The following ANKRD6 variants were observed in gnomAD, a reference collection of about 807,000 sequenced individuals.
ANKRD6 encodes the protein ankyrin repeat domain-containing protein 6.
ANKRD6 carries 56 observed loss-of-function variants against 82.3 expected under a neutral mutation model. That is an observed-to-expected ratio of 0.68 (90% CI 0.55 to 0.85). ANKRD6 has a LOEUF of 0.85. Among genes scored for constraint, ANKRD6 ranks in the 40% least tolerant of loss-of-function variants. The pLI, the probability that ANKRD6 is intolerant of heterozygous loss-of-function variation, is 0.00. For missense variants in ANKRD6, 852 were observed against 907.6 expected (o/e 0.94, Z 0.79); for synonymous variants, 347 against 352.1 (o/e 0.99, Z 0.16).
intron 3 of ANKRD6, among the ~76,000 whole-genome samples, chr6:89,599,924 G>A (rs995260513): frequency 4.6e-5 from 7 of 152,038 alleles, no homozygotes; most frequent in African/African-American, 1.5e-4. Context: ...TATCTGACCC[G>A]GGCTCTCGGT....
At chr6:89,579,036 T>C (rs1791822109) in intron 2 of ANKRD6, among the ~76,000 whole-genome samples, 1 of 152,206 alleles carries the variant, frequency 6.6e-6, no homozygotes, top group South Asian at 2.1e-4. Flanking sequence ...TCCCCTGTCC[T>C]TGCCTCCTGC....
At chr6:89,526,544 T>G (rs1173540652) in intron 1 of ANKRD6, among the ~76,000 whole-genome samples, 1 of 152,186 alleles carries the variant, frequency 6.6e-6, no homozygotes, top group Non-Finnish European at 1.5e-5. Flanking sequence ...GTGGTTCAGA[T>G]CTGCAAGAAA....
intron 1 of ANKRD6, among the ~76,000 whole-genome samples, chr6:89,524,937 G>A (rs1461691236): frequency 6.6e-6 from 1 of 151,654 alleles, no homozygotes; most frequent in Non-Finnish European, 1.5e-5. Context: ...GGAGTAAGGT[G>A]GTATCTGATT....
At chr6:89,447,671 C>G (rs567714737) in intron 1 of ANKRD6, among the ~76,000 whole-genome samples, 1 of 152,084 alleles carries the variant, frequency 6.6e-6, no homozygotes, top group Non-Finnish European at 1.5e-5. Flanking sequence ...GAAGGAGAGT[C>G]CATTTAGGAC....
chr6:89,471,020 A>T (rs979300103), intron 1 of ANKRD6, among the ~76,000 whole-genome samples: 2 of 152,014 alleles, frequency 1.3e-5, no homozygotes, highest in African/African-American at 4.8e-5. Flanking sequence ...TTTGAAAATC[A>T]TTGTGTAAGT....
At chr6:89,517,927 C>A (rs1781421997) in intron 1 of ANKRD6, among the ~76,000 whole-genome samples, 1 of 152,214 alleles carries the variant, frequency 6.6e-6, no homozygotes, top group Non-Finnish European at 1.5e-5. Context: ...CACTTCTCTG[C>A]AAGCCCTTGA....
intron 14 of ANKRD6, chr6:89,628,717 C>G: frequency 4.2e-6 from 1 of 240,406 alleles, no homozygotes; most frequent in Non-Finnish European, 8.2e-6. Flanking sequence ...TTGCAGTGAG[C>G]CGACATCGTG....
At chr6:89,571,082 C>T (rs1389938106) in intron 2 of ANKRD6, among the ~76,000 whole-genome samples, 5 of 152,114 alleles carry the variant, frequency 3.3e-5, no homozygotes, top group African/African-American at 1.2e-4. Flanking sequence ...GTCGGAGTCT[C>T]GCTCTGTCGC....
chr6:89,494,020 T>G (rs1310243559), intron 1 of ANKRD6, among the ~76,000 whole-genome samples: 1 of 152,118 alleles, frequency 6.6e-6, no homozygotes, highest in African/African-American at 2.4e-5. Flanking sequence ...ATAGTTGCAC[T>G]AGGGTAGAGA....
At chr6:89,627,814 T>C (rs1806218177) in intron 14 of ANKRD6, 118 bp downstream of exon 14, 1 of 732,886 alleles carries the variant, frequency 1.4e-6, no homozygotes, top group Non-Finnish European at 2.2e-6. Context: ...TTTTACATTA[T>C]ATAGTGTATC....
chr6:89,615,805 G>A (rs1283804408), intron 7 of ANKRD6, among the ~76,000 whole-genome samples: 1 of 152,188 alleles, frequency 6.6e-6, no homozygotes, highest in Non-Finnish European at 1.5e-5. Flanking sequence ...TTATATCATT[G>A]TGTTTGGAAA....
rs570780975 is a variant in ANKRD6, at chr6:89,433,515, C to G, written c.-144+140C>G. ...TCGCCGACTGCCCGCGGAGGAGACC[C>G]GGACACCGCGCCTCGCCCCCTGGCC... On this transcript the variant is annotated intron_variant, in intron 1 of 15. Coordinates refer to ENST00000339746, the MANE Select transcript of ANKRD6 (RefSeq NM_001242809.2). The surrounding 1 kb of genome is among the most constrained non-coding windows in gnomAD (Gnocchi z 4.3). 335 of 152,368 alleles carry G rather than the reference C, an allele frequency of 2.2e-3. 2 individuals carry two copies. The highest frequency in any genetic ancestry group is 3.5e-3 in the Non-Finnish European group (238 of 68,066). The allele number at this position is 152,368 out of a possible 1,614,324, so 9.4% of individuals were successfully genotyped here. A position where few individuals can be genotyped will look rare whatever the true frequency, so the allele number is the denominator to read the frequency against.
intron 12 of ANKRD6, 141 bp downstream of exon 12, chr6:89,624,198 C>T (rs1436430600): frequency 2.7e-5 from 26 of 978,020 alleles, no homozygotes; most frequent in Non-Finnish European, 3.8e-5. Context: ...AGATGGCCTC[C>T]CCACCTGCAC....
At chr6:89,471,858 G>T (rs1291972819) in intron 1 of ANKRD6, among the ~76,000 whole-genome samples, 1 of 134,554 alleles carries the variant, frequency 7.4e-6, no homozygotes, top group East Asian at 2.6e-4. Context: ...AGAATTGCTT[G>T]AACCCAGGAG....
intron 1 of ANKRD6, among the ~76,000 whole-genome samples, chr6:89,476,226 T>C (rs992707190): frequency 6.6e-6 from 1 of 152,122 alleles, no homozygotes; most frequent in African/African-American, 2.4e-5. Context: ...TGCTTTGTTG[T>C]CCAGACTAGA....
chr6:89,487,071 TG>T (rs1777464468), intron 1 of ANKRD6, among the ~76,000 whole-genome samples: 1 of 152,202 alleles, frequency 6.6e-6, no homozygotes, highest in African/African-American at 2.4e-5. Context: ...TTGGACCCTG[TG>T]GGTTCATACC....
chr6:89,578,207 G>A (rs1791580436), intron 2 of ANKRD6, among the ~76,000 whole-genome samples: 1 of 151,186 alleles, frequency 6.6e-6, no homozygotes, highest in Admixed American at 6.6e-5. Context: ...TGAGCCAGGA[G>A]AACGACATGG....
At chr6:89,576,032 A>AT (rs1791035633) in intron 2 of ANKRD6, among the ~76,000 whole-genome samples, 1 of 151,784 alleles carries the variant, frequency 6.6e-6, no homozygotes, top group Admixed American at 6.6e-5. Context: ...AAGAACTATG[A>AT]TTTTCCATTT....
intron 1 of ANKRD6, among the ~76,000 whole-genome samples, chr6:89,495,276 G>T (rs1481628603): frequency 6.6e-6 from 1 of 152,054 alleles, no homozygotes; most frequent in Non-Finnish European, 1.5e-5. Context: ...AGAACCAACT[G>T]GCTTTTCTAA....
Sources: gnomAD v4.1 joint callset for allele counts (sites outside exome capture counted in the v4.1 genomes callset) on GRCh38, gnomAD v4.1.1 for gene constraint, Gnocchi (gnomAD v3.1) non-coding constraint, MANE v1.5 for transcripts, NCBI Gene and HGNC (gene_info 2026-07-23, HGNC 2026-07-21) for gene names.